The following FRK variants were observed in gnomAD, a reference collection of about 807,000 sequenced individuals.
FRK encodes fyn related Src family tyrosine kinase.
In FRK, 51 loss-of-function variants were observed where a neutral mutation model predicts 56.4. The observed-to-expected ratio is 0.90, with a 90% CI of 0.72 to 1.14. FRK has a LOEUF of 1.14. Among genes scored for constraint, FRK ranks in the 50% most tolerant of loss-of-function variants. The pLI is 0.00. For synonymous variants in FRK, 245 were observed against 217.9 expected (o/e 1.12, Z -1.10); for missense variants, 570 against 601.4 (o/e 0.95, Z 0.55).
chr6:116,008,175 A>AAT (rs996791473), intron 1 of FRK, among the ~76,000 whole-genome samples: 3 of 152,052 alleles, frequency 2.0e-5, no homozygotes, highest in African/African-American at 7.2e-5. Flanking sequence ...TCCTCTGTCC[A>AAT]ATATATATAT....
intron 1 of FRK, among the ~76,000 whole-genome samples, chr6:116,031,738 CT>C (rs1776311451): frequency 6.6e-6 from 1 of 152,074 alleles, no homozygotes; most frequent in South Asian, 2.1e-4. Flanking sequence ...AGTTAGGTTT[CT>C]TTCAATTTGT....
chr6:116,056,878 T>C (rs1190101756), intron 1 of FRK, among the ~76,000 whole-genome samples: 1 of 152,226 alleles, frequency 6.6e-6, no homozygotes, highest in Non-Finnish European at 1.5e-5. Context: ...TTATATCACT[T>C]AGTGGAAGAT....
intron 1 of FRK, among the ~76,000 whole-genome samples, chr6:116,031,621 C>G (rs186831091): frequency 7.2e-5 from 11 of 152,238 alleles, no homozygotes; most frequent in African/African-American, 2.4e-4. Context: ...CTCAATGGAT[C>G]TGTGTACATC....
chr6:115,958,845 AG>A (rs1773207800), intron 4 of FRK, among the ~76,000 whole-genome samples: 1 of 151,658 alleles, frequency 6.6e-6, no homozygotes, highest in African/African-American at 2.4e-5. Context: ...AGAAAGAGAA[AG>A]GAAAAAGAAA....
upstream of FRK, among the ~76,000 whole-genome samples, chr6:116,064,864 C>G (rs144198566): frequency 2.0e-4 from 31 of 152,258 alleles, no homozygotes; most frequent in Admixed American, 5.2e-4. Flanking sequence ...TTCAACACCC[C>G]CTCCATTATG....
intron 2 of FRK, among the ~76,000 whole-genome samples, chr6:115,978,771 T>C (rs546780247): frequency 7.5e-4 from 114 of 152,316 alleles, no homozygotes; most frequent in African/African-American, 2.6e-3. Context: ...ACATAATATA[T>C]GATAACAATA....
chr6:116,080,386 C>A, the FRK span, among the ~76,000 whole-genome samples: 1 of 152,140 alleles, frequency 6.6e-6, no homozygotes, highest in Admixed American at 6.5e-5. Flanking sequence ...AATCTCCTGA[C>A]CTCATGATCC....
chr6:116,028,845 A>T (rs576201310), intron 1 of FRK, among the ~76,000 whole-genome samples: 1 of 152,234 alleles, frequency 6.6e-6, no homozygotes, highest in African/African-American at 2.4e-5. Context: ...GACATACTTC[A>T]ACTCATATCA....
intron 4 of FRK, among the ~76,000 whole-genome samples, chr6:115,961,350 G>A (rs1773355029): frequency 1.7e-5 from 2 of 116,846 alleles, no homozygotes; most frequent in Non-Finnish European, 3.5e-5. Context: ...AGAGAAAAAA[G>A]AATAAAAAGA....
At chr6:115,991,787 A>G (rs919286726) in intron 2 of FRK, among the ~76,000 whole-genome samples, 2 of 151,830 alleles carry the variant, frequency 1.3e-5, no homozygotes, top group Non-Finnish European at 3.0e-5. Context: ...GATTTTGTAG[A>G]ATGAGTTAGA....
intron 1 of FRK, among the ~76,000 whole-genome samples, chr6:116,024,090 ACAC>A (rs1775983294): frequency 6.6e-6 from 1 of 151,632 alleles, no homozygotes; most frequent in Non-Finnish European, 1.5e-5. Context: ...ACACACACAC[ACAC>A]ACACACATTA....
chr6:116,005,481 C>T (rs927763959), intron 1 of FRK, among the ~76,000 whole-genome samples: 4 of 152,118 alleles, frequency 2.6e-5, no homozygotes, highest in Non-Finnish European at 5.9e-5. Context: ...AACCCACTGG[C>T]AGTAAGTCTT....
intron 1 of FRK, among the ~76,000 whole-genome samples, chr6:116,035,106 A>G (rs1463757832): frequency 6.6e-6 from 1 of 152,038 alleles, no homozygotes; most frequent in East Asian, 1.9e-4. Context: ...GAGAGAAGAA[A>G]AAAATAGGAC....
chr6:116,002,356 C>T (rs1015658432), intron 2 of FRK, among the ~76,000 whole-genome samples: 6 of 152,178 alleles, frequency 3.9e-5, no homozygotes, highest in Admixed American at 1.3e-4. Context: ...TGGTGACTCA[C>T]GCCTGTAATC....
At chr6:116,010,405 G>T (rs1775419060) in intron 1 of FRK, among the ~76,000 whole-genome samples, 1 of 152,098 alleles carries the variant, frequency 6.6e-6, no homozygotes, top group African/African-American at 2.4e-5. Context: ...ATTAAAAGAG[G>T]TCAATCAGGA....
At chr6:116,036,233 C>T (rs1266828765) in intron 1 of FRK, among the ~76,000 whole-genome samples, 4 of 152,096 alleles carry the variant, frequency 2.6e-5, no homozygotes, top group African/African-American at 9.7e-5. Context: ...CTTCGAGTAA[C>T]AGGGATAGTT....
chr6:116,065,773 A>G (rs1301060223), upstream of FRK, among the ~76,000 whole-genome samples: 1 of 152,098 alleles, frequency 6.6e-6, no homozygotes, highest in African/African-American at 2.4e-5. Flanking sequence ...TTTTGTTCCT[A>G]TATTGACACA....
intron 1 of FRK, among the ~76,000 whole-genome samples, chr6:116,025,790 A>G (rs974822190): frequency 6.6e-6 from 1 of 152,214 alleles, no homozygotes; most frequent in African/African-American, 2.4e-5. Context: ...TCCACAATAC[A>G]GAATAATAAA....
intron 2 of FRK, among the ~76,000 whole-genome samples, chr6:115,990,838 A>C (rs1006330877): frequency 3.3e-5 from 5 of 151,880 alleles, no homozygotes; most frequent in Admixed American, 3.3e-4. Context: ...TAGAAACTGC[A>C]TTGAATTTGT....
Sources: allele counts gnomAD v4.1 joint callset (sites outside exome capture counted in the v4.1 genomes callset), GRCh38; gene constraint gnomAD v4.1.1; transcripts MANE v1.5; gene names NCBI Gene and HGNC (gene_info 2026-07-23, HGNC 2026-07-21).